Variants in BICRA observed in about 807,000 individuals in gnomAD.
BICRA encodes the protein BRD4 interacting chromatin remodeling complex associated protein, also known as BRD4-interacting chromatin-remodeling complex-associated protein.
In BICRA, 31 loss-of-function variants were observed where a neutral mutation model predicts 96.9. The ratio of observed to expected loss-of-function variants is 0.32; its 90% CI spans 0.24 to 0.43. The LOEUF (loss-of-function observed/expected upper bound fraction) is 0.43, where lower values mean the gene tolerates loss of function less well. Among genes scored for constraint, BICRA ranks in the 20% least tolerant of loss-of-function variants. The pLI, the probability that BICRA is intolerant of heterozygous loss-of-function variation, is 1.00. For missense variants in BICRA, 2,283 were observed against 2,190.3 expected (o/e 1.04, Z -0.84); for synonymous variants, 1,350 against 1,071.8 (o/e 1.26, Z -5.07).
At chr19:47,696,605 G>C in intron 11 of BICRA, 93 bp downstream of exon 11, 1 of 1,195,646 alleles carries the variant, frequency 8.4e-7, no homozygotes, top group Non-Finnish European at 1.2e-6. Context: ...AGTTGGGCAG[G>C]CCCAAGTGCC....
chr19:47,685,438 G>A (rs746015653), intron 7 of BICRA, among the ~76,000 whole-genome samples: 1 of 152,158 alleles, frequency 6.6e-6, no homozygotes, highest in African/African-American at 2.4e-5. Context: ...GACAGAAGGT[G>A]GTCAGTGAAT....
intron 1 of BICRA, among the ~76,000 whole-genome samples, chr19:47,625,856 G>A (rs1049180793): frequency 6.6e-6 from 1 of 152,090 alleles, no homozygotes; most frequent in African/African-American, 2.4e-5. Context: ...GGGGCTGTGT[G>A]GGGGCCGGGG....
At chr19:47,657,076 T>C (rs1386475888) in intron 1 of BICRA, among the ~76,000 whole-genome samples, 1 of 152,074 alleles carries the variant, frequency 6.6e-6, no homozygotes, top group East Asian at 1.9e-4. Flanking sequence ...TTAGCCAGGA[T>C]GGTCTCGATC....
chr19:47,693,967 G>A, intron 7 of BICRA, 148 bp from the exon 8 acceptor site: 1 of 914,646 alleles, frequency 1.1e-6, no homozygotes, highest in East Asian at 3.0e-5. Context: ...GGGAAGGGCA[G>A]CCGTGGTGGG....
chr19:47,657,435 C>T (rs570260105), intron 1 of BICRA, among the ~76,000 whole-genome samples: 19 of 148,702 alleles, frequency 1.3e-4, no homozygotes, highest in East Asian at 1.0e-3. Flanking sequence ...CTTGCTCTGT[C>T]GCCCAGGCTG....
chr19:47,648,769 C>T (rs533623770), intron 1 of BICRA, among the ~76,000 whole-genome samples: 13 of 151,466 alleles, frequency 8.6e-5, no homozygotes, highest in Non-Finnish European at 1.6e-4. Context: ...GCCTCTGCCT[C>T]CTGAGTTCAA....
intron 1 of BICRA, among the ~76,000 whole-genome samples, chr19:47,625,733 C>T (rs1972130261): frequency 6.6e-6 from 1 of 151,944 alleles, no homozygotes; most frequent in African/African-American, 2.4e-5. Context: ...GAAGTTTGCT[C>T]ACAGTTTGCG....
In BICRA at chr19:47,695,040, C is replaced by A; in HGVS notation, c.3036C>A (p.Ala1012=). Residue 1012 remains alanine, a synonymous_variant, in exon 9 of 15, where the codon GCC becomes GCA. Coordinates refer to ENST00000594866, the MANE Select transcript of BICRA (RefSeq NM_001394372.1). ...AGGCCCCATCTGGGACCCCCACTGC[C>A]CCCAGCCACGCCCCCGCCCCGGCAC... ...SGQAPSGTPT[A]PSHAPAPAPM... is the part of the protein sequence containing the mutation. 1.3e-6 allele frequency: 2 copies of A among 1,501,726 alleles called. No homozygotes were observed. The highest frequency in any genetic ancestry group is 1.8e-6 in the Non-Finnish European group (2 of 1,135,946). The allele number at this position is 1,501,726 out of a possible 1,614,324, so 93.0% of individuals were successfully genotyped here. A position where few individuals can be genotyped will look rare whatever the true frequency, so the allele number is the denominator to read the frequency against.
At chr19:47,635,303 A>G (rs915357595) in intron 1 of BICRA, among the ~76,000 whole-genome samples, 4 of 149,154 alleles carry the variant, frequency 2.7e-5, no homozygotes, top group Admixed American at 2.0e-4. Flanking sequence ...GCTGGAGTGC[A>G]GTGGCTGGAT....
At position 47,675,597 on chromosome 19, in the gene BICRA, G is replaced by A. The variant is rs1051883668; in HGVS notation, c.85-254G>A. Among the ~76,000 whole-genome samples, 13 of 152,214 alleles carry A rather than the reference G, an allele frequency of 8.5e-5. No individual in the cohort carries two copies. Among genetic ancestry groups the A allele is most frequent in the African/African-American group, 2.2e-4 (9 of 41,452 alleles). ...GCGTGAAGGCAGGATTCCGGAATTC[G>A]AGGCAGTCACAGCAGGATCGCTTCG... On this transcript the variant is annotated intron_variant, in intron 4 of 14. Transcript: ENST00000594866. This position sits in a 1 kb window ranked among gnomAD's most constrained non-coding sequence, Gnocchi z 4.7.
chr19:47,690,897 A>G (rs909876748), intron 7 of BICRA, among the ~76,000 whole-genome samples: 7 of 152,162 alleles, frequency 4.6e-5, no homozygotes, highest in Non-Finnish European at 1.0e-4. Context: ...CTTCAAACAC[A>G]TAAAAAGTTT....
chr19:47,694,161 C>T lies in BICRA; in HGVS notation c.2330C>T (p.Pro777Leu), dbSNP rs1448434625. The change falls in exon 8 of 15, where the codon CCG becomes CTG. Residue 777 changes from proline to leucine, a missense_variant. Pro to Leu is a moderately conservative substitution (Grantham distance 98). Transcript: ENST00000594866. ...PLKGPGPSSS[P>L]SLPHQAPLGD... ...AAGGGCCCAGGCCCCTCTTCGTCCC[C>T]GTCACTACCTCACCAGGCCCCTCTG... is the stretch of plus-strand genomic sequence containing the variant. 10 of 1,520,996 alleles carry T rather than the reference C, an allele frequency of 6.6e-6. No homozygotes were observed. The highest frequency in any genetic ancestry group is 4.0e-5 in the Admixed American group (2 of 50,038). 94.2% of individuals were successfully genotyped at this position (1,520,996 alleles called of 1,614,324 possible).
Position 47,679,347 on chromosome 19 carries a change from C to T in BICRA, c.177C>T (p.Asn59=), listed in dbSNP as rs1052849514. The T allele has an allele frequency of 2.0e-5, 28 of 1,427,092 alleles. No homozygotes were observed. Among genetic ancestry groups the T allele is most frequent in the Non-Finnish European group, 2.5e-5 (27 of 1,089,288 alleles). The allele number at this position is 1,427,092 out of a possible 1,614,324, so 88.4% of individuals were successfully genotyped here. The change falls in exon 6 of 15, where the codon AAC becomes AAT. Residue 59 remains asparagine (N), a synonymous_variant. Transcript: ENST00000594866. ...PGLHVQEASG[N]HLNPEPNQPA... is the part of the protein sequence containing the mutation. Reference sequence around the variant, plus strand: ...TCCATGTGCAAGAAGCTTCCGGCAACCACCTGAACCCAGAGCCCAACCAGC... The same window carrying T: ...TCCATGTGCAAGAAGCTTCCGGCAATCACCTGAACCCAGAGCCCAACCAGC...
chr19:47,684,406 G>A (rs745762552), intron 7 of BICRA, among the ~76,000 whole-genome samples: 3 of 151,846 alleles, frequency 2.0e-5, no homozygotes, highest in Non-Finnish European at 2.9e-5. Context: ...GGTCTCAAAC[G>A]CCTGACCTCA....
intron 1 of BICRA, among the ~76,000 whole-genome samples, chr19:47,651,421 C>T (rs915702305): frequency 6.6e-6 from 1 of 152,126 alleles, no homozygotes; most frequent in Non-Finnish European, 1.5e-5. Flanking sequence ...CACATTGCTG[C>T]TCCCCTTACC....
intron 1 of BICRA, among the ~76,000 whole-genome samples, chr19:47,624,658 C>G (rs1972113750): frequency 6.6e-6 from 1 of 151,370 alleles, no homozygotes; most frequent in Non-Finnish European, 1.5e-5. Context: ...AGTGTAGTAA[C>G]AAGTTATGCC....
chr19:47,612,752 G>A (rs1166496869), intron 1 of BICRA, among the ~76,000 whole-genome samples: 2 of 152,204 alleles, frequency 1.3e-5, no homozygotes, highest in East Asian at 1.9e-4. Context: ...CATGTTCCAC[G>A]GCCGAGCTGG....
chr19:47,615,583 T>G (rs1375145630), intron 1 of BICRA: 1 of 142,202 alleles, frequency 7.0e-6, no homozygotes, highest in Non-Finnish European at 1.6e-5. Context: ...TCCCCTCTAT[T>G]AAGTGGGTTC....
Position 47,675,980 on chromosome 19 carries a change from G to A in BICRA, c.150+64G>A. On this transcript the variant is annotated intron_variant, in intron 5 of 14. Coordinates refer to ENST00000594866, the MANE Select transcript of BICRA (RefSeq NM_001394372.1). This position sits in a 1 kb window ranked among gnomAD's most constrained non-coding sequence, Gnocchi z 4.7. The stretch of plus-strand genomic sequence containing the variant: ...GGGCTGCCAGCGGGAGGAGGGCCCT[G>A]AAGCCAAGAGGGGAGGCTTGGGCTC... 2 of 1,169,634 alleles carry A rather than the reference G, an allele frequency of 1.7e-6. No individual in the cohort carries two copies. Among genetic ancestry groups the A allele is most frequent in the East Asian group, 2.5e-5 (1 of 39,574 alleles). The allele number at this position is 1,169,634 out of a possible 1,614,324, so 72.5% of individuals were successfully genotyped here.
Sources: gnomAD v4.1 joint callset for allele counts (sites outside exome capture counted in the v4.1 genomes callset) on GRCh38, gnomAD v4.1.1 for gene constraint, Gnocchi (gnomAD v3.1) non-coding constraint, MANE v1.5 for transcripts, NCBI Gene and HGNC (gene_info 2026-07-23, HGNC 2026-07-21) for gene names.